The following PPARD variants were observed in gnomAD, a reference collection of about 807,000 sequenced individuals.
PPARD encodes peroxisome proliferator-activated receptor delta.
A neutral mutation model predicts 39.5 loss-of-function variants in PPARD; 6 were observed. The observed-to-expected ratio is 0.15, with a 90% CI of 0.08 to 0.30. The LOEUF is 0.30. PPARD is among the 10% of genes least tolerant of loss of function. PPARD has a pLI of 1.00. For synonymous variants in PPARD, 210 were observed against 231.3 expected (o/e 0.91, Z 0.83); for missense variants, 397 against 596.8 (o/e 0.67, Z 3.49).
chr6:35,397,592 A>G, intron 2 of PPARD: 1 of 980,756 alleles, frequency 1.0e-6, no homozygotes, highest in Non-Finnish European at 1.2e-6. Flanking sequence ...GACTGCTTCA[A>G]GGTGCGTGGT....
intron 1 of PPARD, among the ~76,000 whole-genome samples, chr6:35,346,387 T>C (rs1283360252): frequency 1.3e-5 from 2 of 152,220 alleles, no homozygotes; most frequent in African/African-American, 4.8e-5. Flanking sequence ...GTGGGCTTTG[T>C]CCGTTCTGCC....
intron 2 of PPARD, among the ~76,000 whole-genome samples, chr6:35,407,409 G>A (rs1765127071): frequency 6.6e-6 from 1 of 151,912 alleles, no homozygotes; most frequent in Non-Finnish European, 1.5e-5. Context: ...TGTCACCCGT[G>A]CTGCTCCTTC....
At chr6:35,349,980 G>A (rs1761140033) in intron 2 of PPARD, among the ~76,000 whole-genome samples, 1 of 152,120 alleles carries the variant, frequency 6.6e-6, no homozygotes. Flanking sequence ...GACCTCAAGT[G>A]ATCTGCCTGC....
chr6:35,357,260 C>T (rs1468980541), intron 2 of PPARD, among the ~76,000 whole-genome samples: 3 of 152,210 alleles, frequency 2.0e-5, no homozygotes, highest in Admixed American at 6.5e-5. Context: ...CCCCAAGCTG[C>T]ACTCATGAGA....
intron 2 of PPARD, among the ~76,000 whole-genome samples, chr6:35,376,024 A>G (rs1332212168): frequency 1.3e-5 from 2 of 152,164 alleles, no homozygotes; most frequent in African/African-American, 4.8e-5. Flanking sequence ...AATCATTTGA[A>G]ATTAAGTGTG....
intron 2 of PPARD, among the ~76,000 whole-genome samples, chr6:35,384,447 C>A (rs1375432788): frequency 1.9e-5 from 2 of 103,990 alleles, no homozygotes; most frequent in South Asian, 6.0e-4. Flanking sequence ...GCGGGGTCAG[C>A]CCCCCGCCCG....
chr6:35,421,030 T>C (rs1349889379), intron 4 of PPARD, among the ~76,000 whole-genome samples: 1 of 152,116 alleles, frequency 6.6e-6, no homozygotes, highest in African/African-American at 2.4e-5. Context: ...TTTCACCACA[T>C]TGGCCAGGCT....
At chr6:35,372,011 G>A (rs1762504418) in intron 2 of PPARD, among the ~76,000 whole-genome samples, 2 of 152,220 alleles carry the variant, frequency 1.3e-5, no homozygotes, top group Admixed American at 6.5e-5. Flanking sequence ...TCTAAGGTGG[G>A]TCTGGGTTTG....
At chr6:35,420,648 G>A (rs1766087231) in intron 4 of PPARD, among the ~76,000 whole-genome samples, 1 of 152,172 alleles carries the variant, frequency 6.6e-6, no homozygotes, top group South Asian at 2.1e-4. Context: ...AAAAAGGACA[G>A]ACATTTGTTT....
chr6:35,397,186 C>T (rs1764383010), intron 2 of PPARD, among the ~76,000 whole-genome samples: 1 of 150,804 alleles, frequency 6.6e-6, no homozygotes, highest in Non-Finnish European at 1.5e-5. Flanking sequence ...CTCCCCACCC[C>T]CACCCTGGGT....
chr6:35,411,349 C>T, intron 3 of PPARD, 132 bp downstream of exon 3: 1 of 1,177,736 alleles, frequency 8.5e-7, no homozygotes, highest in Non-Finnish European at 1.1e-6. Flanking sequence ...AGCCGGAAGC[C>T]TGGGTTCACG....
rs1357712354 is a variant in PPARD at position 35,366,954 on chromosome 6, A to C, written c.-102+19804A>C. Reference sequence around the variant, plus strand: ...GGTCTTGCGTATGGCCAGACTTATGACTTGCGTATGGTCATAAAGGTAGTA... The same window carrying C: ...GGTCTTGCGTATGGCCAGACTTATGCCTTGCGTATGGTCATAAAGGTAGTA... On this transcript the variant is annotated intron_variant, in intron 2 of 7. Transcript: ENST00000360694. The surrounding 1 kb of genome is among the most constrained non-coding windows in gnomAD (Gnocchi z 4.6). Among the ~76,000 whole-genome samples, 1 of 152,226 alleles carries C rather than the reference A, an allele frequency of 6.6e-6. No individual in the cohort carries two copies. Among genetic ancestry groups the C allele is most frequent in the African/African-American group, 2.4e-5 (1 of 41,460 alleles).
intron 5 of PPARD, 110 bp from the exon 6 acceptor site, chr6:35,423,836 G>A (rs146294378): frequency 1.1e-5 from 11 of 989,718 alleles, no homozygotes; most frequent in South Asian, 3.2e-5. Flanking sequence ...GAGCTTCTGG[G>A]GGCCTTAGGC....
rs756996931 is a variant in PPARD, at chr6:35,424,191, G to T, written c.627+43G>T. ...TTGGCCTGGCAGCATCCTGGGCTCT[G>T]GGTCCCACTGCCGCCTGCCTGACTC... is the stretch of plus-strand genomic sequence containing the variant. On this transcript the variant is annotated intron_variant, in intron 6 of 7. Coordinates refer to ENST00000360694, the MANE Select transcript of PPARD (RefSeq NM_006238.5). This position sits in a 1 kb window ranked among gnomAD's most constrained non-coding sequence, Gnocchi z 7.1. 2 of 1,606,388 alleles carry T rather than the reference G, an allele frequency of 1.2e-6. No individual in the cohort carries two copies. The highest frequency in any genetic ancestry group is 3.4e-5 in the Admixed American group (2 of 59,584).
intron 2 of PPARD, among the ~76,000 whole-genome samples, chr6:35,357,615 C>T (rs995468234): frequency 7.2e-5 from 11 of 151,846 alleles, no homozygotes; most frequent in African/African-American, 9.7e-5. Context: ...TGGCTCACTG[C>T]AACCTCCGCC....
intron 2 of PPARD, among the ~76,000 whole-genome samples, chr6:35,408,986 A>C (rs1398137264): frequency 6.6e-6 from 1 of 151,992 alleles, no homozygotes; most frequent in Non-Finnish European, 1.5e-5. Flanking sequence ...ACATTCATTT[A>C]GTTGTGTCTC....
chr6:35,420,548 G>A (rs1029036916), intron 4 of PPARD, among the ~76,000 whole-genome samples: 3 of 152,216 alleles, frequency 2.0e-5, no homozygotes, highest in Admixed American at 6.5e-5. Flanking sequence ...GGACCAGGCA[G>A]CTAGGGCAGA....
intron 2 of PPARD, among the ~76,000 whole-genome samples, chr6:35,362,334 A>G (rs1761965828): frequency 1.3e-5 from 2 of 152,068 alleles, no homozygotes; most frequent in African/African-American, 4.8e-5. Flanking sequence ...TGTTATTGCC[A>G]GACTTGCAGA....
intron 2 of PPARD, among the ~76,000 whole-genome samples, chr6:35,393,029 C>G (rs762548341): frequency 6.6e-6 from 1 of 152,270 alleles, no homozygotes; most frequent in East Asian, 1.9e-4. Context: ...CTCTGAGGTT[C>G]CTGTTACCTC....
Sources: allele counts gnomAD v4.1 joint callset (sites outside exome capture counted in the v4.1 genomes callset), GRCh38; gene constraint gnomAD v4.1.1; non-coding constraint Gnocchi (gnomAD v3.1); transcripts MANE v1.5; gene names NCBI Gene and HGNC (gene_info 2026-07-23, HGNC 2026-07-21).